Variants in PTPRK observed in about 807,000 individuals in gnomAD.
PTPRK encodes protein tyrosine phosphatase receptor type K, also known as receptor-type tyrosine-protein phosphatase kappa.
PTPRK carries 75 observed loss-of-function variants against 178.0 expected under a neutral mutation model. That is an observed-to-expected ratio of 0.42 (90% confidence interval 0.35 to 0.51). PTPRK has a LOEUF of 0.51. Ranked by LOEUF, PTPRK falls within the 20% of genes least tolerant of loss-of-function variation. The pLI, the probability that PTPRK is intolerant of heterozygous loss-of-function variation, is 0.02. For synonymous variants in PTPRK, 637 were observed against 620.6 expected (o/e 1.03, Z -0.39); for missense variants, 1,441 against 1,797.8 (o/e 0.80, Z 3.59).
intron 21 of PTPRK, among the ~76,000 whole-genome samples, chr6:127,990,279 A>C (rs942015443): frequency 6.6e-6 from 1 of 152,080 alleles, no homozygotes; most frequent in African/African-American, 2.4e-5. Flanking sequence ...ACAGCTTTAC[A>C]CATGCCTCTA....
At chr6:128,052,557 T>G (rs1779193913) in intron 13 of PTPRK, among the ~76,000 whole-genome samples, 1 of 152,198 alleles carries the variant, frequency 6.6e-6, no homozygotes, top group African/African-American at 2.4e-5. Flanking sequence ...AGATTAAGGA[T>G]ATACATCTTT....
intron 5 of PTPRK, among the ~76,000 whole-genome samples, chr6:128,225,453 TA>T (rs1562822968): frequency 6.6e-6 from 1 of 152,148 alleles, no homozygotes; most frequent in Admixed American, 6.6e-5. Context: ...CCAGCCAAAT[TA>T]ATCCCAAGGA....
intron 2 of PTPRK, among the ~76,000 whole-genome samples, chr6:128,359,568 A>G (rs1834441707): frequency 6.6e-6 from 1 of 151,802 alleles, no homozygotes; most frequent in Non-Finnish European, 1.5e-5. Context: ...CCTAACCTAT[A>G]TGATGAAACC....
intron 3 of PTPRK, among the ~76,000 whole-genome samples, chr6:128,255,995 C>T (rs747102093): frequency 6.6e-6 from 1 of 152,144 alleles, no homozygotes; most frequent in African/African-American, 2.4e-5. Flanking sequence ...GTATAAAATA[C>T]CAATTTTTAA....
chr6:128,080,779 A>G (rs1270335163), intron 10 of PTPRK, among the ~76,000 whole-genome samples: 1 of 152,114 alleles, frequency 6.6e-6, no homozygotes, highest in Non-Finnish European at 1.5e-5. Context: ...AGTTCAAGTA[A>G]TGATGAGAAC....
chr6:128,153,068 C>T (rs1797500258), intron 7 of PTPRK, among the ~76,000 whole-genome samples: 1 of 151,774 alleles, frequency 6.6e-6, no homozygotes, highest in Non-Finnish European at 1.5e-5. Flanking sequence ...GGAAAATGAT[C>T]CAGAACCAAG....
chr6:128,335,699 G>A (rs928247336), intron 2 of PTPRK, among the ~76,000 whole-genome samples: 1 of 151,852 alleles, frequency 6.6e-6, no homozygotes, highest in Non-Finnish European at 1.5e-5. Flanking sequence ...AAAGCGAATG[G>A]TGCCATCTCC....
chr6:128,308,946 T>G (rs1259523869), intron 3 of PTPRK, among the ~76,000 whole-genome samples: 2 of 152,106 alleles, frequency 1.3e-5, no homozygotes, highest in African/African-American at 4.8e-5. Context: ...GAATCAAAGA[T>G]TCAGGAGAAG....
chr6:128,232,674 T>C (rs549846753), intron 5 of PTPRK, among the ~76,000 whole-genome samples: 1 of 151,582 alleles, frequency 6.6e-6, no homozygotes, highest in African/African-American at 2.4e-5. Flanking sequence ...ATAAGTCACT[T>C]ACCTAATCTT....
At chr6:128,147,575 T>C (rs1796671661) in intron 7 of PTPRK, among the ~76,000 whole-genome samples, 1 of 152,098 alleles carries the variant, frequency 6.6e-6, no homozygotes, top group Admixed American at 6.6e-5. Flanking sequence ...ATGCATCCAA[T>C]AAGTAAATCT....
intron 3 of PTPRK, among the ~76,000 whole-genome samples, chr6:128,300,942 CTCTA>C (rs1263658369): frequency 6.6e-6 from 1 of 151,884 alleles, no homozygotes; most frequent in Non-Finnish European, 1.5e-5. Context: ...CACCACACTG[CTCTA>C]TCTTCTTTCC....
At chr6:128,191,197 T>G (rs553080571) in intron 6 of PTPRK, among the ~76,000 whole-genome samples, 1 of 152,168 alleles carries the variant, frequency 6.6e-6, no homozygotes. Flanking sequence ...TATATGTTTG[T>G]TTATACTATA....
chr6:128,278,655 C>T (rs1022485360), intron 3 of PTPRK, among the ~76,000 whole-genome samples: 1 of 152,166 alleles, frequency 6.6e-6, no homozygotes, highest in Non-Finnish European at 1.5e-5. Context: ...GGCCACTGGG[C>T]TTGGTCTTTA....
intron 1 of PTPRK, among the ~76,000 whole-genome samples, chr6:128,442,957 T>C (rs1258434154): frequency 1.3e-5 from 2 of 152,204 alleles, no homozygotes; most frequent in Non-Finnish European, 2.9e-5. Context: ...TTGTATAGCA[T>C]TGGTGAAGCG....
intron 7 of PTPRK, among the ~76,000 whole-genome samples, chr6:128,141,387 T>C (rs1435069744): frequency 6.6e-6 from 1 of 151,888 alleles, no homozygotes; most frequent in Non-Finnish European, 1.5e-5. Flanking sequence ...AACGAATCAT[T>C]ATATCTTTAC....
intron 1 of PTPRK, among the ~76,000 whole-genome samples, chr6:128,456,267 C>T (rs906662410): frequency 4.6e-5 from 7 of 152,004 alleles, no homozygotes; most frequent in Admixed American, 4.6e-4. Context: ...AACAAAGACA[C>T]AATTCCTGCC....
intron 13 of PTPRK, among the ~76,000 whole-genome samples, chr6:128,010,675 G>A (rs778641304): frequency 5.3e-5 from 8 of 151,154 alleles, no homozygotes; most frequent in Non-Finnish European, 1.2e-4. Context: ...AAGCTAAACT[G>A]GTGAGAAAGA....
At chr6:128,441,524 C>G (rs942962717) in intron 1 of PTPRK, among the ~76,000 whole-genome samples, 1 of 152,036 alleles carries the variant, frequency 6.6e-6, no homozygotes, top group African/African-American at 2.4e-5. Context: ...GACCAGGGCC[C>G]ACCCTCAAGT....
intron 13 of PTPRK, among the ~76,000 whole-genome samples, chr6:128,052,869 T>C (rs916180575): frequency 3.9e-5 from 6 of 152,304 alleles, no homozygotes; most frequent in Non-Finnish European, 5.9e-5. Flanking sequence ...TCTCAAGTAA[T>C]AGGCCTCTAG....
Sources: gnomAD v4.1 joint callset for allele counts (sites outside exome capture counted in the v4.1 genomes callset) on GRCh38, gnomAD v4.1.1 for gene constraint, MANE v1.5 for transcripts, NCBI Gene and HGNC (gene_info 2026-07-23, HGNC 2026-07-21) for gene names.